The following RABGEF1 variants were observed in gnomAD, a reference collection of about 807,000 sequenced individuals.
RABGEF1 encodes the protein RAB guanine nucleotide exchange factor 1.
RABGEF1 carries 26 observed loss-of-function variants against 57.3 expected under a neutral mutation model. That is an observed-to-expected ratio of 0.45 (90% CI 0.33 to 0.63). The LOEUF is 0.63. Ranked by LOEUF, RABGEF1 falls within the 20% of genes least tolerant of loss-of-function variation. The pLI is 0.02. For missense variants in RABGEF1, 464 were observed against 607.6 expected, an observed-to-expected ratio of 0.76 and a Z score of 2.48; for synonymous variants, 185 against 210.7, an observed-to-expected ratio of 0.88 and a Z score of 1.06.
chr7:66,727,748 G>T (rs890382664), intron 2 of RABGEF1, among the ~76,000 whole-genome samples: 1 of 152,214 alleles, frequency 6.6e-6, no homozygotes, highest in Admixed American at 6.5e-5. Context: ...ACCGTGAGTG[G>T]CAGGCTGCCC....
chr7:66,794,908 T>A (rs1324420066), intron 4 of RABGEF1, among the ~76,000 whole-genome samples: 1 of 152,182 alleles, frequency 6.6e-6, no homozygotes, highest in African/African-American at 2.4e-5. Flanking sequence ...ATTAGATAAA[T>A]AGAAATGTAC....
chr7:66,661,298 C>CAA, the RABGEF1 span, among the ~76,000 whole-genome samples: 64 of 78,028 alleles, frequency 8.2e-4, 6 homozygotes, highest in African/African-American at 3.1e-3. Context: ...GACTCCATCT[C>CAA]AAAAAAAAAA....
intron 2 of RABGEF1, among the ~76,000 whole-genome samples, chr7:66,772,433 T>C (rs1414274741): frequency 1.3e-5 from 2 of 151,814 alleles, no homozygotes; most frequent in Non-Finnish European, 2.9e-5. Context: ...GAAATGGCAC[T>C]CATCAAGCAT....
chr7:66,670,433 A>ATTT, the RABGEF1 span, among the ~76,000 whole-genome samples: 134 of 116,028 alleles, frequency 1.2e-3, 2 homozygotes, highest in Admixed American at 3.8e-3. Context: ...GAATGAGATG[A>ATTT]TTTTTTTTTT....
chr7:66,795,946 C>T (rs1377555040), intron 5 of RABGEF1, among the ~76,000 whole-genome samples: 1 of 152,136 alleles, frequency 6.6e-6, no homozygotes, highest in Non-Finnish European at 1.5e-5. Flanking sequence ...CGAGACCAGC[C>T]TGGCCAACAT....
At chr7:66,703,749 C>T (rs1793628192) in intron 1 of RABGEF1, among the ~76,000 whole-genome samples, 1 of 151,974 alleles carries the variant, frequency 6.6e-6, no homozygotes, top group African/African-American at 2.4e-5. Context: ...CAACTTTGTT[C>T]TTTTTCAAGA....
chr7:66,741,184 G>A (rs1798855515), intron 1 of RABGEF1, among the ~76,000 whole-genome samples: 1 of 152,196 alleles, frequency 6.6e-6, no homozygotes, highest in Admixed American at 6.5e-5. Context: ...GTCTGTGGTC[G>A]CACGGGGCCC....
intron 8 of RABGEF1, among the ~76,000 whole-genome samples, chr7:66,807,503 TC>T (rs778159140): frequency 6.6e-6 from 1 of 152,170 alleles, no homozygotes; most frequent in Non-Finnish European, 1.5e-5. Context: ...GCATCTCTCT[TC>T]CTGCACCATC....
chr7:66,788,648 C>T (rs1391194807), intron 4 of RABGEF1, among the ~76,000 whole-genome samples: 1 of 152,104 alleles, frequency 6.6e-6, no homozygotes, highest in Non-Finnish European at 1.5e-5. Context: ...ACACCTTTTG[C>T]TTGTTTCATT....
chr7:66,687,800 A>G (rs941450462), intron 1 of RABGEF1, among the ~76,000 whole-genome samples: 27 of 152,170 alleles, frequency 1.8e-4, no homozygotes, highest in Non-Finnish European at 3.7e-4. Flanking sequence ...AAGTAACCAA[A>G]TGAGGCCAGG....
intron 8 of RABGEF1, among the ~76,000 whole-genome samples, chr7:66,806,663 A>C (rs1348517096): frequency 2.6e-5 from 2 of 77,208 alleles, no homozygotes; most frequent in Non-Finnish European, 4.8e-5. Flanking sequence ...TTTTTTTTTG[A>C]GATGGAGTCT....
At chr7:66,690,361 A>G (rs1194269582) in intron 1 of RABGEF1, among the ~76,000 whole-genome samples, 1 of 150,052 alleles carries the variant, frequency 6.7e-6, no homozygotes, top group Non-Finnish European at 1.5e-5. Flanking sequence ...GGCCTCCCAA[A>G]GTGCTGGGAT....
intron 7 of RABGEF1, among the ~76,000 whole-genome samples, chr7:66,799,625 G>A (rs566868387): frequency 2.0e-5 from 3 of 152,138 alleles, no homozygotes; most frequent in Admixed American, 6.5e-5. Flanking sequence ...TTATGGTCTC[G>A]TTTCTTGGGC....
At chr7:66,662,550 G>A in the RABGEF1 span, among the ~76,000 whole-genome samples, 1 of 152,232 alleles carries the variant, frequency 6.6e-6, no homozygotes, top group Non-Finnish European at 1.5e-5. Flanking sequence ...AACTGTGCTG[G>A]AAGGTAGAGA....
upstream of RABGEF1, among the ~76,000 whole-genome samples, chr7:66,677,739 G>T (rs1250705367): frequency 6.8e-6 from 1 of 146,924 alleles, no homozygotes; most frequent in Non-Finnish European, 1.5e-5. Flanking sequence ...TCCAGCCTGG[G>T]TGACAAAGCA....
chr7:66,711,548 T>G (rs377309527), intron 1 of RABGEF1, among the ~76,000 whole-genome samples: 10 of 152,120 alleles, frequency 6.6e-5, no homozygotes, highest in South Asian at 6.2e-4. Context: ...GTCAAAAATC[T>G]GTTGGCTGTA....
chr7:66,657,506 T>A, the RABGEF1 span, among the ~76,000 whole-genome samples: 1 of 152,244 alleles, frequency 6.6e-6, no homozygotes, highest in Non-Finnish European at 1.5e-5. Flanking sequence ...GAGGGAAATG[T>A]TTAGCTGTAA....
intron 4 of RABGEF1, among the ~76,000 whole-genome samples, chr7:66,792,506 G>A (rs1687408080): frequency 6.6e-6 from 1 of 152,220 alleles, no homozygotes; most frequent in Non-Finnish European, 1.5e-5. Flanking sequence ...ACCAGGGAAA[G>A]CCTGTGCATG....
At chr7:66,747,522 T>C (rs1415375985) in intron 1 of RABGEF1, among the ~76,000 whole-genome samples, 1 of 152,232 alleles carries the variant, frequency 6.6e-6, no homozygotes. Context: ...ATTTGGTCTG[T>C]ATGCTAAAAT....
Sources: gnomAD v4.1 joint callset for allele counts (sites outside exome capture counted in the v4.1 genomes callset) on GRCh38, gnomAD v4.1.1 for gene constraint, MANE v1.5 for transcripts, NCBI Gene and HGNC (gene_info 2026-07-23, HGNC 2026-07-21) for gene names.